CALCOCO1: variants seen among roughly 807,000 people sequenced by gnomAD.
CALCOCO1 encodes calcium-binding and coiled-coil domain-containing protein 1.
A neutral mutation model predicts 86.3 loss-of-function variants in CALCOCO1; 44 were observed. The observed-to-expected ratio is 0.51, with a 90% confidence interval of 0.40 to 0.66. CALCOCO1 has a LOEUF of 0.66. Ranked by LOEUF, CALCOCO1 falls within the 30% of genes least tolerant of loss-of-function variation. The pLI is 0.00. For synonymous variants in CALCOCO1, 297 were observed against 327.6 expected (o/e 0.91, Z 1.01); for missense variants, 708 against 851.1 (o/e 0.83, Z 2.09).
Position 53,715,908 on chromosome 12 carries a change from C to T in CALCOCO1, c.1145G>A (p.Arg382His), listed in dbSNP as rs756788752. The T allele has an allele frequency of 4.1e-5, 66 of 1,614,080 alleles. No homozygotes were observed. Among genetic ancestry groups the T allele is most frequent in the Admixed American group, 1.5e-4 (9 of 60,010 alleles). Residue 382 changes from arginine (R) to histidine (H), a missense_variant, in exon 9 of 15, where the codon CGC becomes CAC. Transcript: ENST00000550804. ...AACTTCAGCCACTTCCAGGCGGCTG[C>T]GGTGTAGTTCGGCTATGGTGCGGTC... is the stretch of plus-strand genomic sequence containing the variant. Reference protein sequence around the residue: ...ARDRTIAELHRSRLEVAEVNG... With the variant: ...ARDRTIAELHHSRLEVAEVNG...
At chr12:53,724,194 C>CTAATTTTT (rs564395728) in intron 3 of CALCOCO1, 32 of 446,740 alleles carry the variant, frequency 7.2e-5, no homozygotes, top group African/African-American at 4.3e-4. Context: ...CCACGCCTGG[C>CTAATTTTT]CTGCAGCTTT....
Position 53,716,341 on chromosome 12 carries a change from C to T in CALCOCO1, c.924G>A (p.Glu308=). 6.2e-7 allele frequency: 1 copy of T among 1,614,222 alleles called. No individual in the cohort carries two copies. The highest frequency in any genetic ancestry group is 8.5e-7 in the Non-Finnish European group (1 of 1,180,032). ...LDLKEAKSWQ[E]EQSAQAQRLK... ...GTCGCTGAGCCTGAGCACTCTGCTC[C>T]TCTTGCCAGCTCTTCGCCTCCTTCA... The change falls in exon 8 of 15, where the codon GAG becomes GAA. Residue 308 remains glutamate (E), a synonymous_variant. Transcript: ENST00000550804.
chr12:53,713,161 C>T lies in CALCOCO1; in HGVS notation c.1837G>A (p.Gly613Arg), dbSNP rs762130188. 2 of 1,614,052 alleles carry T rather than the reference C, an allele frequency of 1.2e-6. No individual in the cohort carries two copies. Among genetic ancestry groups the T allele is most frequent in the East Asian group, 2.2e-5 (1 of 44,878 alleles). ...KSVLMAAVQSGGEEANLLLPE... is the reference protein window; with the variant it reads ...KSVLMAAVQSRGEEANLLLPE... ...AGCAGTAAGTTGGCCTCCTCACCCC[C>T]ACTCTGCACAGCTGCCATCAGGACT... Residue 613 changes from glycine (G) to arginine (R), a missense_variant, in exon 14 of 15, where the codon GGG (glycine) becomes AGG (arginine). Physicochemically the swap from Gly to Arg is moderately radical, Grantham distance 125. Transcript: ENST00000550804.
chr12:53,722,335 G>A (rs1275840886), intron 4 of CALCOCO1, 152 bp from the exon 5 acceptor site: 10 of 804,612 alleles, frequency 1.2e-5, no homozygotes, highest in East Asian at 2.6e-5. Context: ...GTGTGCTACC[G>A]AATCCCGTCC....
At chr12:53,714,301 C>T in intron 11 of CALCOCO1, 60 bp from the exon 12 acceptor site, 1 of 1,280,600 alleles carries the variant, frequency 7.8e-7, no homozygotes, top group Non-Finnish European at 1.1e-6. Context: ...ACCTTGCTAG[C>T]CTGCAGAAGC....
intron 5 of CALCOCO1, 56 bp downstream of exon 5, chr12:53,721,969 A>AT (rs2120629148): frequency 6.2e-7 from 1 of 1,600,672 alleles, no homozygotes; most frequent in Non-Finnish European, 8.5e-7. Flanking sequence ...CTGGGTTCAG[A>AT]TTTTGGATGC....
At chr12:53,715,092 A>G in intron 10 of CALCOCO1, 108 bp downstream of exon 10, 1 of 1,343,852 alleles carries the variant, frequency 7.4e-7, no homozygotes, top group South Asian at 1.4e-5. Context: ...GCCACCCAAC[A>G]TGGTAGTGGA....
chr12:53,718,635 C>T (rs976944332), intron 7 of CALCOCO1, among the ~76,000 whole-genome samples: 4 of 152,104 alleles, frequency 2.6e-5, no homozygotes, highest in Non-Finnish European at 4.4e-5. Context: ...CTCAAGCAAT[C>T]CTTCCACCTC....
intron 1 of CALCOCO1, among the ~76,000 whole-genome samples, chr12:53,726,027 G>A (rs1404531878): frequency 6.6e-6 from 1 of 152,156 alleles, no homozygotes; most frequent in Non-Finnish European, 1.5e-5. Flanking sequence ...GTGGAGTGAG[G>A]CGCTTAGCAG....
In CALCOCO1 at chr12:53,713,699, A is replaced by C. The variant is rs745358997; in HGVS notation, c.1791+2T>G. 1.3e-6 allele frequency: 2 copies of C among 1,530,848 alleles called. No homozygotes were observed. Among genetic ancestry groups the C allele is most frequent in the Non-Finnish European group, 1.8e-6 (2 of 1,142,618 alleles). 94.8% of individuals were successfully genotyped at this position (1,530,848 alleles called of 1,614,324 possible). A position where few individuals can be genotyped will look rare whatever the true frequency, so the allele number is the denominator to read the frequency against. ...TTCTGCACAGGCTCCTCCACTGCTC[A>C]CCGAGTCAGAGCTACTGTCCTCAGC... On this transcript the variant is annotated splice_donor_variant, in intron 13 of 14. Coordinates refer to ENST00000550804, the MANE Select transcript of CALCOCO1 (RefSeq NM_020898.3). LOFTEE classifies it high-confidence loss of function.
At chr12:53,716,436 G>T (rs1258970948) in intron 7 of CALCOCO1, 21 bp from the exon 8 acceptor site, 2 of 1,614,088 alleles carry the variant, frequency 1.2e-6, no homozygotes, top group Admixed American at 3.3e-5. Flanking sequence ...TGGAAAGCAG[G>T]TAAGGAAAGG....
At chr12:53,723,868 C>T in intron 3 of CALCOCO1, 85 bp from the exon 4 acceptor site, 1 of 1,162,628 alleles carries the variant, frequency 8.6e-7, no homozygotes, top group Non-Finnish European at 1.2e-6. Context: ...TATACTGTTT[C>T]TTCTCTTCTC....
intron 3 of CALCOCO1, 65 bp downstream of exon 3, chr12:53,724,580 A>T: frequency 8.3e-7 from 1 of 1,201,648 alleles, no homozygotes; most frequent in Non-Finnish European, 1.2e-6. Flanking sequence ...TTCTGAGCCC[A>T]CTACCTTCTT....
intron 4 of CALCOCO1, 189 bp downstream of exon 4, chr12:53,723,404 T>C: frequency 1.6e-6 from 1 of 631,924 alleles, no homozygotes; most frequent in South Asian, 1.9e-5. Flanking sequence ...GGTGGTCTCC[T>C]TTCCTGCCTT....
chr12:53,714,329 C>G, intron 11 of CALCOCO1, 88 bp from the exon 12 acceptor site: 3 of 986,664 alleles, frequency 3.0e-6, no homozygotes, highest in Non-Finnish European at 4.7e-6. Context: ...AAGAAGAACT[C>G]TTAGCTCCTC....
chr12:53,720,005 C>T (rs1482247535), intron 6 of CALCOCO1, among the ~76,000 whole-genome samples, 176 bp from the exon 7 acceptor site: 2 of 152,154 alleles, frequency 1.3e-5, no homozygotes, highest in African/African-American at 4.8e-5. Flanking sequence ...AACCAAGATT[C>T]CAGGTTCTAG....
At position 53,716,664 on chromosome 12, in the gene CALCOCO1, C is replaced by G. The variant is rs1456834885; in HGVS notation, c.850-249G>C. Among the ~76,000 whole-genome samples the G allele has an allele frequency of 2.0e-5, 3 of 152,280 alleles. No individual in the cohort carries two copies. In the East Asian group the frequency reaches 5.8e-4, roughly 29 times the overall value. ...GTCTTCTGTGTAGGCATTCCATGTA[C>G]CATTTCTGCTACTCTATTCTTTCTC... On this transcript the variant is annotated intron_variant, in intron 7 of 14. Transcript: ENST00000550804.
chr12:53,712,974 T>A, intron 14 of CALCOCO1, 126 bp downstream of exon 14: 2 of 1,251,108 alleles, frequency 1.6e-6, no homozygotes, highest in South Asian at 2.6e-5. Context: ...CATACCTGTA[T>A]CTCCTTTTCT....
chr12:53,711,723 C>T lies in CALCOCO1; in HGVS notation c.*221G>A, dbSNP rs889444096. 8 of 433,410 alleles carry T rather than the reference C, an allele frequency of 1.8e-5. No homozygotes were observed. Among genetic ancestry groups the T allele is most frequent in the Non-Finnish European group, 3.2e-5 (8 of 248,182 alleles). 26.8% of individuals were successfully genotyped at this position (433,410 alleles called of 1,614,324 possible). On this transcript the variant is annotated 3_prime_UTR_variant, in exon 15 of 15. Transcript: ENST00000550804. ...CACTTTCAGGGGATAAATTCAGCCA[C>T]TGCTTCCGAACAGGACCCCTCCCTG...
Sources: allele counts gnomAD v4.1 joint callset (sites outside exome capture counted in the v4.1 genomes callset), GRCh38; gene constraint gnomAD v4.1.1; transcripts MANE v1.5; gene names NCBI Gene and HGNC (gene_info 2026-07-23, HGNC 2026-07-21).